PCDH11Y: variants seen among roughly 807,000 people sequenced by gnomAD.
PCDH11Y encodes protocadherin-11 Y-linked.
For missense variants in PCDH11Y, 12 were observed against 224.8 expected (o/e 0.05, Z 6.05); for synonymous variants, 9 against 83.6 (o/e 0.11, Z 4.87).
downstream of PCDH11Y, chrY:5,105,015 G>A: frequency 6.1e-6 from 1 of 165,145 alleles, no homozygotes; most frequent in Non-Finnish European, 7.5e-6. Context: ...GGCCGAGGCG[G>A]GTGGATCACG....
intron 2 of PCDH11Y, among the ~76,000 whole-genome samples, chrY:5,415,169 A>C: frequency 3.0e-5 from 1 of 33,395 alleles, no homozygotes; most frequent in East Asian, 8.0e-4. Context: ...TTTCTGGTAC[A>C]TTTTGGTGCA....
intron 2 of PCDH11Y, among the ~76,000 whole-genome samples, chrY:5,453,478 G>T (rs1218086038): frequency 8.9e-5 from 3 of 33,858 alleles, no homozygotes; most frequent in Admixed American, 8.1e-4. Flanking sequence ...TCTTGGGAAA[G>T]AATTTACGAC....
chrY:5,354,255 G>A, intron 2 of PCDH11Y, among the ~76,000 whole-genome samples: 1 of 32,794 alleles, frequency 3.0e-5, no homozygotes, highest in African/African-American at 1.2e-4. Context: ...AAAGGTATGC[G>A]CTAAGGCTAG....
chrY:5,714,094 T>A, intron 4 of PCDH11Y, among the ~76,000 whole-genome samples: 2 of 33,105 alleles, frequency 6.0e-5, no homozygotes, highest in African/African-American at 1.2e-4. Context: ...TTTGCATAAG[T>A]TCGATAAGAA....
chrY:5,511,746 GA>G (rs1206680702), intron 3 of PCDH11Y, among the ~76,000 whole-genome samples: 2 of 29,984 alleles, frequency 6.7e-5, no homozygotes, highest in South Asian at 7.4e-4. Context: ...TTTGCAGAAA[GA>G]AAAAAAAAAG....
chrY:5,323,976 T>C (rs2053115973), intron 2 of PCDH11Y, among the ~76,000 whole-genome samples: 1 of 32,084 alleles, frequency 3.1e-5, no homozygotes, highest in Non-Finnish European at 7.6e-5. Flanking sequence ...TAAAGCAAGC[T>C]GTGAGCCAGG....
At chrY:5,378,559 T>C (rs2124674136) in intron 2 of PCDH11Y, among the ~76,000 whole-genome samples, 1 of 32,965 alleles carries the variant, frequency 3.0e-5, no homozygotes, top group East Asian at 8.0e-4. Context: ...ATGTTGCCTG[T>C]ATGTTTACTA....
At chrY:5,433,533 G>C in intron 2 of PCDH11Y, among the ~76,000 whole-genome samples, 1 of 34,171 alleles carries the variant, frequency 2.9e-5, no homozygotes. Context: ...CATTCAGTAA[G>C]AGAACAAAAG....
chrY:5,296,783 A>G (rs2053075140), intron 2 of PCDH11Y, among the ~76,000 whole-genome samples: 1 of 31,447 alleles, frequency 3.2e-5, no homozygotes, highest in Admixed American at 3.0e-4. Context: ...CCTCTGGCCA[A>G]GGGCATGTCT....
intron 4 of PCDH11Y, among the ~76,000 whole-genome samples, chrY:5,710,087 C>T: frequency 3.0e-5 from 1 of 32,902 alleles, no homozygotes; most frequent in African/African-American, 1.2e-4. Context: ...ATTGGGTGTT[C>T]AGCAAGGTGA....
chrY:5,715,993 G>GA lies in PCDH11Y; in HGVS notation c.3353-21270dup, dbSNP rs35325433. On this transcript the variant is annotated intron_variant, in intron 4 of 4. Coordinates refer to the PCDH11Y transcript ENST00000400457. ...AATCAATCATATCAATAGAATGAAA[G>GA]AAAAAAAAACTATGATTATTTCAAT... Among the ~76,000 whole-genome samples the GA allele has an allele frequency of 2.3e-4, 7 of 30,624 alleles. No individual in the cohort carries two copies. The East Asian group carries it at 2.6e-3, about 11-fold the overall frequency. The allele number at this position is 30,624 out of a possible 37,273, so 82.2% of individuals were successfully genotyped here.
chrY:5,560,642 C>T, intron 3 of PCDH11Y, among the ~76,000 whole-genome samples: 8 of 32,999 alleles, frequency 2.4e-4, no homozygotes, highest in Admixed American at 2.2e-3. Flanking sequence ...CAAGCCTTGG[C>T]AGCTTCCATG....
chrY:5,338,166 A>C, intron 2 of PCDH11Y: 1 of 356,281 alleles, frequency 2.8e-6, no homozygotes, highest in East Asian at 9.4e-5. Context: ...AGGGTTTCAT[A>C]CAAGTCACAT....
chrY:5,120,331 A>T, intron 2 of PCDH11Y, among the ~76,000 whole-genome samples: 3 of 30,813 alleles, frequency 9.7e-5, no homozygotes, highest in Non-Finnish European at 2.4e-4. Flanking sequence ...TATCATACTC[A>T]TTTTAAAGAT....
At chrY:5,655,491 C>G in intron 4 of PCDH11Y, among the ~76,000 whole-genome samples, 1 of 32,604 alleles carries the variant, frequency 3.1e-5, no homozygotes, top group Non-Finnish European at 7.5e-5. Flanking sequence ...CATTTTTATA[C>G]AGGCGATTTT....
intron 4 of PCDH11Y, among the ~76,000 whole-genome samples, chrY:5,665,057 A>G: frequency 3.0e-5 from 1 of 33,087 alleles, no homozygotes; most frequent in Non-Finnish European, 7.4e-5. Context: ...TTTCAAGTTA[A>G]AAATATAAAA....
chrY:5,608,681 C>A, intron 4 of PCDH11Y, among the ~76,000 whole-genome samples: 6 of 12,040 alleles, frequency 5.0e-4, no homozygotes, highest in Non-Finnish European at 8.3e-4. Flanking sequence ...ATGATGCTGG[C>A]CTCATAAAAT....
At chrY:5,273,601 GT>G (rs2053040075) in intron 2 of PCDH11Y, among the ~76,000 whole-genome samples, 6 of 33,643 alleles carry the variant, frequency 1.8e-4, no homozygotes, top group Non-Finnish European at 4.4e-4. Context: ...GAAAGGAAAT[GT>G]TTAGGTTAGG....
chrY:5,149,733 A>C, intron 2 of PCDH11Y, among the ~76,000 whole-genome samples: 1 of 31,582 alleles, frequency 3.2e-5, no homozygotes, highest in Non-Finnish European at 7.7e-5. Flanking sequence ...TGATACTAAT[A>C]AAATCTGTAG....
Sources: allele counts gnomAD v4.1 joint callset (sites outside exome capture counted in the v4.1 genomes callset), GRCh38; gene constraint gnomAD v4.1.1; transcripts MANE v1.5; gene names NCBI Gene and HGNC (gene_info 2026-07-23, HGNC 2026-07-21).